The following LHFPL7 variants were observed in gnomAD, a reference collection of about 807,000 sequenced individuals.
LHFPL7 encodes the protein LHFPL tetraspan subfamily member 7 protein.
the LHFPL7 span, among the ~76,000 whole-genome samples, chr22:24,946,048 A>ATAATC: frequency 6.6e-6 from 1 of 152,184 alleles, no homozygotes; most frequent in Non-Finnish European, 1.5e-5. Context: ...GGTGGCTCAC[A>ATAATC]CCTATAATCC....
the LHFPL7 span, among the ~76,000 whole-genome samples, chr22:24,940,229 T>C: frequency 6.8e-6 from 1 of 146,704 alleles, no homozygotes; most frequent in Non-Finnish European, 1.5e-5. Flanking sequence ...CACGGCCTAT[T>C]TATCCATTCT....
the LHFPL7 span, chr22:24,939,410 C>A: frequency 1.4e-6 from 1 of 703,072 alleles, no homozygotes; most frequent in South Asian, 1.5e-5. Flanking sequence ...TGCCCTGAGG[C>A]CAGGAGCAGT....
the LHFPL7 span, chr22:24,935,476 A>G: frequency 8.1e-6 from 13 of 1,614,086 alleles, no homozygotes; most frequent in Non-Finnish European, 1.1e-5. Flanking sequence ...GCAGTCATGT[A>G]ACCCCAACCC....
the LHFPL7 span, among the ~76,000 whole-genome samples, chr22:24,944,835 G>A: frequency 4.0e-5 from 6 of 151,662 alleles, no homozygotes; most frequent in Non-Finnish European, 8.8e-5. Context: ...TTTTGAGACC[G>A]AGTCTTGCTG....
the LHFPL7 span, among the ~76,000 whole-genome samples, chr22:24,937,843 A>T: frequency 6.6e-6 from 1 of 152,190 alleles, no homozygotes. Context: ...AACATCCCCA[A>T]CTGTGTATGG....
the LHFPL7 span, among the ~76,000 whole-genome samples, chr22:24,942,558 C>A: frequency 6.6e-6 from 1 of 152,328 alleles, no homozygotes; most frequent in East Asian, 1.9e-4. Context: ...TTCACTTTGG[C>A]CATCTAAGCC....
At chr22:24,935,228 C>G in the LHFPL7 span, 2 of 1,460,142 alleles carry the variant, frequency 1.4e-6, no homozygotes, top group Non-Finnish European at 1.8e-6. Flanking sequence ...AGTGGCTTGC[C>G]TGAAGTCACA....
the LHFPL7 span, among the ~76,000 whole-genome samples, chr22:24,940,571 G>A: frequency 5.3e-5 from 8 of 150,878 alleles, no homozygotes; most frequent in South Asian, 1.0e-3. Context: ...ACTCCAGCCT[G>A]GGCGACAGAG....
chr22:24,939,417 C>T, the LHFPL7 span: 1 of 703,064 alleles, frequency 1.4e-6, no homozygotes, highest in Admixed American at 2.0e-5. Context: ...AGGCCAGGAG[C>T]AGTAGGTGAG....
At chr22:24,946,425 A>ACC in the LHFPL7 span, 2 of 26,368 alleles carry the variant, frequency 7.6e-5, no homozygotes, top group Admixed American at 7.6e-4. Context: ...CCACCCACCC[A>ACC]CACACACACA....
chr22:24,940,117 C>CG, the LHFPL7 span, among the ~76,000 whole-genome samples: 1 of 149,392 alleles, frequency 6.7e-6, no homozygotes, highest in Non-Finnish European at 1.5e-5. Flanking sequence ...TTAGTAGAGA[C>CG]GGGTTCCACC....
chr22:24,938,091 T>TCATTCATTCATG, the LHFPL7 span: 705 of 1,576,578 alleles, frequency 4.5e-4, 4 homozygotes, highest in African/African-American at 7.0e-3. Flanking sequence ...ATTCATTCAT[T>TCATTCATTCATG]CATTCATTCC....
At chr22:24,940,862 G>A in the LHFPL7 span, among the ~76,000 whole-genome samples, 1 of 151,832 alleles carries the variant, frequency 6.6e-6, no homozygotes, top group African/African-American at 2.4e-5. Context: ...AAACTCCTGG[G>A]TTCAAGCGAT....
At chr22:24,939,239 G>A in the LHFPL7 span, 2 of 693,120 alleles carry the variant, frequency 2.9e-6, no homozygotes, top group East Asian at 2.7e-5. Flanking sequence ...CAGGCAGTGA[G>A]GAAAGCCTCC....
At chr22:24,943,729 C>T in the LHFPL7 span, among the ~76,000 whole-genome samples, 34 of 152,260 alleles carry the variant, frequency 2.2e-4, no homozygotes, top group African/African-American at 8.2e-4. Flanking sequence ...CCAACGAACC[C>T]AACGGCTTAC....
At chr22:24,945,923 T>C in the LHFPL7 span, among the ~76,000 whole-genome samples, 1 of 152,096 alleles carries the variant, frequency 6.6e-6, no homozygotes. Flanking sequence ...GGACAAATTA[T>C]GTAACGGCTC....
chr22:24,941,986 T>A, the LHFPL7 span, among the ~76,000 whole-genome samples: 2 of 148,224 alleles, frequency 1.3e-5, no homozygotes, highest in Non-Finnish European at 3.0e-5. Flanking sequence ...GTATTTTATT[T>A]ATTTATTTAT....
At chr22:24,939,005 T>G in the LHFPL7 span, among the ~76,000 whole-genome samples, 2 of 152,158 alleles carry the variant, frequency 1.3e-5, no homozygotes, top group Non-Finnish European at 2.9e-5. Flanking sequence ...TGCACGAAGG[T>G]GCTACATTGG....
chr22:24,938,151 G>T, the LHFPL7 span: 1 of 1,613,948 alleles, frequency 6.2e-7, no homozygotes, highest in East Asian at 2.2e-5. Context: ...GGATTTACCT[G>T]CCACTGCCTG....
Sources: allele counts gnomAD v4.1 joint callset (sites outside exome capture counted in the v4.1 genomes callset), GRCh38; gene constraint gnomAD v4.1.1; transcripts MANE v1.5; gene names NCBI Gene and HGNC (gene_info 2026-07-23, HGNC 2026-07-21).